Variants in PATJ observed in about 807,000 individuals in gnomAD.
PATJ encodes PATJ crumbs cell polarity complex component.
A neutral mutation model predicts 224.9 loss-of-function variants in PATJ; 190 were observed. The ratio of observed to expected loss-of-function variants is 0.84; its 90% CI spans 0.75 to 0.95. The LOEUF (loss-of-function observed/expected upper bound fraction) is 0.95, where lower values mean the gene tolerates loss of function less well. PATJ is among the 40% of genes least tolerant of loss of function. The pLI, the probability that PATJ is intolerant of heterozygous loss-of-function variation, is 0.00. For synonymous variants in PATJ, 769 were observed against 820.3 expected (o/e 0.94, Z 1.07); for missense variants, 2,121 against 2,270.3 (o/e 0.93, Z 1.34).
intron 8 of PATJ, among the ~76,000 whole-genome samples, chr1:61,790,637 C>T (rs548185332): frequency 3.3e-5 from 5 of 151,482 alleles, no homozygotes; most frequent in African/African-American, 7.3e-5. Context: ...TATCAGCCTC[C>T]GGAGTAGCTG....
chr1:61,902,081 C>T (rs868437266), intron 24 of PATJ, among the ~76,000 whole-genome samples: 12 of 152,034 alleles, frequency 7.9e-5, no homozygotes, highest in African/African-American at 1.4e-4. Flanking sequence ...ATCAGCCGGG[C>T]GTAGTGGCAC....
At chr1:61,767,967 G>C (rs1021854646) in intron 4 of PATJ, among the ~76,000 whole-genome samples, 2 of 151,688 alleles carry the variant, frequency 1.3e-5, no homozygotes, top group Non-Finnish European at 2.9e-5. Context: ...CATTGCGCCG[G>C]GCCAGTTCTA....
At chr1:62,139,356 C>A (rs1207707007) in intron 41 of PATJ, among the ~76,000 whole-genome samples, 1 of 134,126 alleles carries the variant, frequency 7.5e-6, no homozygotes, top group African/African-American at 3.0e-5. Flanking sequence ...GCCGAGATTG[C>A]GCCACGGCAC....
chr1:62,121,627 G>A (rs1039489762), intron 38 of PATJ, among the ~76,000 whole-genome samples: 2 of 151,970 alleles, frequency 1.3e-5, no homozygotes, highest in African/African-American at 4.8e-5. Flanking sequence ...AAATTAGCCG[G>A]GCGTGGTGGC....
intron 1 of PATJ, among the ~76,000 whole-genome samples, chr1:61,756,317 C>T (rs10889253): frequency 0.35 from 53,369 of 151,844 alleles, 9,881 homozygotes; most frequent in South Asian, 0.49. Flanking sequence ...AAGTCACGCA[C>T]TTTTGCACCT....
At chr1:61,872,335 G>A (rs546018079) in intron 20 of PATJ, among the ~76,000 whole-genome samples, 9 of 152,112 alleles carry the variant, frequency 5.9e-5, no homozygotes, top group African/African-American at 1.4e-4. Flanking sequence ...ATACTTACCC[G>A]AGGCGAGCAA....
chr1:62,085,147 A>G (rs1445230157), intron 33 of PATJ, among the ~76,000 whole-genome samples: 1 of 152,206 alleles, frequency 6.6e-6, no homozygotes, highest in Non-Finnish European at 1.5e-5. Flanking sequence ...CTATAGTCCC[A>G]GCCACTCAGG....
chr1:62,098,688 GC>G (rs1322463580), intron 33 of PATJ, among the ~76,000 whole-genome samples: 1 of 152,020 alleles, frequency 6.6e-6, no homozygotes, highest in Non-Finnish European at 1.5e-5. Flanking sequence ...TACCTGCAGA[GC>G]TGTCAGAAAA....
intron 4 of PATJ, among the ~76,000 whole-genome samples, chr1:61,767,678 CT>C (rs1163770714): frequency 0.011 from 1,539 of 134,898 alleles, 23 homozygotes; most frequent in African/African-American, 0.038. Flanking sequence ...CTTTTCTTTT[CT>C]TTTTTTTTTT....
At chr1:62,107,179 A>G (rs1026291944) in intron 33 of PATJ, among the ~76,000 whole-genome samples, 1 of 151,802 alleles carries the variant, frequency 6.6e-6, no homozygotes, top group South Asian at 2.1e-4. Flanking sequence ...GGTGGCGGGC[A>G]CCTGTAGTCC....
rs557918065 is a variant in PATJ, at chr1:61,795,052, T to C, written c.1169-415T>C. On this transcript the variant is annotated intron_variant, in intron 9 of 43. Transcript: ENST00000642238. ...TCTGTGAAGCTAACATGAGCAGTGATCTAAATATAGGCAGGAAGACCTAGG... is the reference window on the plus strand; with the variant it reads ...TCTGTGAAGCTAACATGAGCAGTGACCTAAATATAGGCAGGAAGACCTAGG... 2.1e-5 allele frequency among the ~76,000 whole-genome samples: 3 copies of C among 141,604 alleles called. No individual in the cohort carries two copies. The East Asian group carries it at 6.2e-4, about 29-fold the overall frequency. The allele number at this position is 141,604 out of a possible 152,430, so 92.9% of individuals were successfully genotyped here.
In PATJ at chr1:61,791,918, C is replaced by T. The variant is rs116900328; in HGVS notation, c.1168+471C>T. Among the ~76,000 whole-genome samples the T allele has an allele frequency of 1.2e-3, 182 of 152,178 alleles. 1 individual carries two copies. The East Asian group carries it at 0.032, about 27-fold the overall frequency. On this transcript the variant is annotated intron_variant, in intron 9 of 43. Transcript: ENST00000642238. ...GAAATAAACTATGAGAATAAGTACA[C>T]AATTCAAGTATCCCTGACTAAAACT...
At chr1:62,019,856 G>T (rs1277826596) in intron 29 of PATJ, among the ~76,000 whole-genome samples, 1 of 152,094 alleles carries the variant, frequency 6.6e-6, no homozygotes, top group East Asian at 1.9e-4. Context: ...AGTGTGTTTA[G>T]ACTTGAAAAC....
At chr1:61,985,796 TG>T (rs1376097717) in intron 27 of PATJ, among the ~76,000 whole-genome samples, 1 of 152,068 alleles carries the variant, frequency 6.6e-6, no homozygotes, top group African/African-American at 2.4e-5. Flanking sequence ...CATGCCATCA[TG>T]GGGAAAACTT....
intron 27 of PATJ, among the ~76,000 whole-genome samples, chr1:61,962,512 G>C (rs1240558568): frequency 6.6e-6 from 1 of 152,186 alleles, no homozygotes. Flanking sequence ...AATCAATCTA[G>C]ATGTGTAGAG....
At chr1:61,891,498 G>C (rs1336327097) in intron 22 of PATJ, among the ~76,000 whole-genome samples, 1 of 152,172 alleles carries the variant, frequency 6.6e-6, no homozygotes, top group African/African-American at 2.4e-5. Context: ...GGGGGTGTTT[G>C]TGGGAGTCTG....
chr1:61,824,520 G>A (rs926430745), intron 15 of PATJ, among the ~76,000 whole-genome samples: 2 of 150,434 alleles, frequency 1.3e-5, no homozygotes, highest in African/African-American at 4.9e-5. Context: ...CAAACTCCTG[G>A]GCTCAAGCAA....
chr1:62,153,217 C>G, intron 42 of PATJ, 141 bp from the exon 43 acceptor site: 1 of 502,636 alleles, frequency 2.0e-6, no homozygotes. Context: ...TTCTAGATTG[C>G]TTTCTGAGAG....
chr1:61,918,384 T>G (rs1173599927), intron 26 of PATJ, among the ~76,000 whole-genome samples: 1 of 147,852 alleles, frequency 6.8e-6, no homozygotes, highest in Admixed American at 6.8e-5. Context: ...ATCAGCTCAC[T>G]GCAACCTCCG....
Sources: allele counts gnomAD v4.1 joint callset (sites outside exome capture counted in the v4.1 genomes callset), GRCh38; gene constraint gnomAD v4.1.1; transcripts MANE v1.5; gene names NCBI Gene and HGNC (gene_info 2026-07-23, HGNC 2026-07-21).